Variants in SYNPO observed in about 807,000 individuals in gnomAD.
SYNPO encodes the protein synaptopodin.
SYNPO carries 19 observed loss-of-function variants against 49.5 expected under a neutral mutation model. That is an observed-to-expected ratio of 0.38 (90% confidence interval 0.27 to 0.56). SYNPO has a LOEUF of 0.56. Among genes scored for constraint, SYNPO ranks in the 20% least tolerant of loss-of-function variants. The probability of loss-of-function intolerance (pLI) is 0.68; values close to 1 mark genes in which losing one functional copy is unlikely to be tolerated. For missense variants in SYNPO, 1,131 were observed against 1,248.3 expected, an observed-to-expected ratio of 0.91 and a Z score of 1.42; for synonymous variants, 536 against 548.0, an observed-to-expected ratio of 0.98 and a Z score of 0.31.
chr5:150,650,837 T>G, intron 2 of SYNPO: 1 of 1,277,564 alleles, frequency 7.8e-7, no homozygotes, highest in Non-Finnish European at 9.9e-7. Context: ...TGTTGCTGGA[T>G]TCTCACCTCC....
intron 1 of SYNPO, among the ~76,000 whole-genome samples, chr5:150,607,827 T>C (rs1314717069): frequency 1.3e-5 from 2 of 152,030 alleles, no homozygotes; most frequent in Non-Finnish European, 2.9e-5. Flanking sequence ...ATTTTAATAA[T>C]GCATTTATTT....
chr5:150,647,434 T>C (rs1758144079), intron 1 of SYNPO, among the ~76,000 whole-genome samples: 1 of 152,098 alleles, frequency 6.6e-6, no homozygotes, highest in Non-Finnish European at 1.5e-5. Context: ...GAGACTTGAG[T>C]GGCAAGATAG....
At position 150,650,083 on chromosome 5, in the gene SYNPO, C is replaced by G; in HGVS notation, c.1808C>G (p.Pro603Arg). 1.2e-6 allele frequency: 2 copies of G among 1,613,578 alleles called. No homozygotes were observed. Among genetic ancestry groups the G allele is most frequent in the Non-Finnish European group, 1.7e-6 (2 of 1,179,982 alleles). Residue 603 changes from proline to arginine, a missense_variant, in exon 2 of 3, where the codon CCC (proline) becomes CGC (arginine). Pro to Arg is a moderately radical substitution (Grantham distance 103). Around this residue, in one of 4 missense-constraint regions of SYNPO, gnomAD observed 509 missense variants for 484.5 expected, o/e 1.05. Transcript: ENST00000307662. ...TCCTTGGACCTGGTGCCCAACCTGC[C>G]CAAGGGGGCTCTCCCTCCATCTCCT... ...PSSLDLVPNLPKGALPPSPAL... is the reference protein window; with the variant it reads ...PSSLDLVPNLRKGALPPSPAL...
At chr5:150,651,078 C>T (rs1758363358) in intron 2 of SYNPO, 2 of 1,144,424 alleles carry the variant, frequency 1.7e-6, no homozygotes, top group Non-Finnish European at 2.2e-6. Flanking sequence ...GGCTTGCTGT[C>T]ACCGCTCTAG....
chr5:150,656,443 C>A lies in SYNPO; in HGVS notation c.2068C>A (p.Pro690Thr). 1.3e-6 allele frequency: 2 copies of A among 1,532,150 alleles called. No homozygotes were observed. Among genetic ancestry groups the A allele is most frequent in the Non-Finnish European group, 1.7e-6 (2 of 1,145,344 alleles). 94.9% of individuals were successfully genotyped at this position (1,532,150 alleles called of 1,614,324 possible). ...CCTGCCCACCTCCCCACCCTGGACGCCGGGCGCGTCCCGGCCCCCCAGCAG... is the reference window on the plus strand; with the variant it reads ...CCTGCCCACCTCCCCACCCTGGACGACGGGCGCGTCCCGGCCCCCCAGCAG... ...ESLPTSPPWT[P>T]GASRPPSSLD... The change falls in exon 3 of 3, where the codon CCG becomes ACG. Residue 690 changes from proline (P) to threonine (T), a missense_variant. Physicochemically the swap from Pro to Thr is conservative, Grantham distance 38 (BLOSUM62 -1). This residue lies in a region of SYNPO where 509 missense variants were observed against 484.5 expected (regional missense o/e 1.05). Transcript: ENST00000307662.
At position 150,649,578 on chromosome 5, in the gene SYNPO, G is replaced by A; in HGVS notation, c.1303G>A (p.Ala435Thr). The A allele has an allele frequency of 6.2e-7, 1 of 1,610,290 alleles. No individual in the cohort carries two copies. Among genetic ancestry groups the A allele is most frequent in the African/African-American group, 1.3e-5 (1 of 74,956 alleles). ...GGCCTCCAACTTCCAGCAGGAGCCA[G>A]CACCTCGTGACAGGGCCAGCCCCGC... ...AEASNFQQEPAPRDRASPAAA... is the reference protein window; with the variant it reads ...AEASNFQQEPTPRDRASPAAA... Residue 435 changes from alanine to threonine, a missense_variant, in exon 2 of 3, where the codon GCA (alanine) becomes ACA (threonine). This residue lies in a region of SYNPO where 602 missense variants were observed against 720.7 expected (regional missense o/e 0.84). Coordinates refer to ENST00000307662, the MANE Select transcript of SYNPO (RefSeq NM_007286.6).
At chr5:150,607,928 C>T (rs1005014335) in intron 1 of SYNPO, among the ~76,000 whole-genome samples, 1 of 152,198 alleles carries the variant, frequency 6.6e-6, no homozygotes, top group Non-Finnish European at 1.5e-5. Context: ...GGTACTAAGT[C>T]TTGGAAATCT....
chr5:150,642,443 AC>A (rs1561650279), intron 1 of SYNPO, among the ~76,000 whole-genome samples: 1 of 152,190 alleles, frequency 6.6e-6, no homozygotes, highest in Admixed American at 6.5e-5. Context: ...CATGACTTGC[AC>A]AAGTGCAGGC....
intron 1 of SYNPO, among the ~76,000 whole-genome samples, chr5:150,613,068 T>A (rs1756893070): frequency 6.6e-6 from 1 of 152,252 alleles, no homozygotes. Context: ...CATGAGCCAC[T>A]GGTCCTGGCC....
At chr5:150,592,464 G>GA in the SYNPO span, among the ~76,000 whole-genome samples, 1 of 151,330 alleles carries the variant, frequency 6.6e-6, no homozygotes, top group African/African-American at 2.4e-5. Flanking sequence ...ATGCCACCAA[G>GA]AAAAAAAAAT....
In SYNPO at chr5:150,648,637, C is replaced by A. The variant is rs765248495; in HGVS notation, c.362C>A (p.Ala121Asp). ...AGCATCCAACAGAATTCCTCAGAGG[C>A]CCAACTCCCATCTAATGGCACAGGG... ...LSSIQQNSSE[A>D]QLPSNGTGPA... Residue 121 changes from alanine to aspartate, a missense_variant, in exon 2 of 3, where the codon GCC becomes GAC. By Grantham distance (126) the Ala-to-Asp change is moderately radical. This residue lies in a region of SYNPO where 602 missense variants were observed against 720.7 expected (regional missense o/e 0.84). Transcript: ENST00000307662. This position sits in a 1 kb window ranked among gnomAD's most constrained non-coding sequence, Gnocchi z 5.0. 1 of 1,614,200 alleles carries A rather than the reference C, an allele frequency of 6.2e-7. No homozygotes were observed. The highest frequency in any genetic ancestry group is 1.1e-5 in the South Asian group (1 of 91,084).
Position 150,657,162 on chromosome 5 carries a change from C to A in SYNPO, c.*75C>A. 6.8e-7 allele frequency: 1 copy of A among 1,462,104 alleles called. No individual in the cohort carries two copies. Among genetic ancestry groups the A allele is most frequent in the South Asian group, 1.3e-5 (1 of 75,742 alleles). 90.6% of individuals were successfully genotyped at this position (1,462,104 alleles called of 1,614,324 possible). A position where few individuals can be genotyped will look rare whatever the true frequency, so the allele number is the denominator to read the frequency against. On this transcript the variant is annotated 3_prime_UTR_variant, in exon 3 of 3. Coordinates refer to ENST00000307662, the MANE Select transcript of SYNPO (RefSeq NM_007286.6). ...ATTAGACCTGGGGGACCCAAAGGGTCTGGCCTCTTTGGGCAGCCCCAGAGA... is the reference window on the plus strand; with the variant it reads ...ATTAGACCTGGGGGACCCAAAGGGTATGGCCTCTTTGGGCAGCCCCAGAGA...
chr5:150,617,306 GT>G (rs36057037), intron 1 of SYNPO, among the ~76,000 whole-genome samples: 2 of 125,458 alleles, frequency 1.6e-5, no homozygotes, highest in East Asian at 7.1e-4. Flanking sequence ...ATCTTCTTTT[GT>G]TTTTTTTGGC....
At chr5:150,591,531 T>C in the SYNPO span, among the ~76,000 whole-genome samples, 1 of 152,240 alleles carries the variant, frequency 6.6e-6, no homozygotes, top group Non-Finnish European at 1.5e-5. Flanking sequence ...CCCCAAGCCC[T>C]GGTCTCTTGG....
exon 2 of SYNPO, chr5:150,618,306 G>A (rs1012940305): frequency 2.7e-6 from 4 of 1,496,212 alleles, no homozygotes; most frequent in Non-Finnish European, 3.6e-6. Flanking sequence ...GCTGGCCCCA[G>A]CCCAGGCCCT....
At position 150,656,805 on chromosome 5, in the gene SYNPO, C is replaced by T; in HGVS notation, c.2430C>T (p.Pro810=). 2.0e-6 allele frequency: 3 copies of T among 1,469,222 alleles called. No homozygotes were observed. Among genetic ancestry groups the T allele is most frequent in the South Asian group, 2.6e-5 (2 of 75,898 alleles). The allele number at this position is 1,469,222 out of a possible 1,614,324, so 91.0% of individuals were successfully genotyped here. The part of the protein sequence containing the change: ...PRMRSPQPAR[P]GSAAVPGAAF... Reference sequence around the variant, plus strand: ...TGCGCTCGCCACAGCCCGCCCGCCCCGGCTCGGCTGCTGTGCCGGGGGCAG... The same window carrying T: ...TGCGCTCGCCACAGCCCGCCCGCCCTGGCTCGGCTGCTGTGCCGGGGGCAG... The change falls in exon 3 of 3, where the codon CCC becomes CCT. Residue 810 remains proline (P), a synonymous_variant. Transcript: ENST00000307662.
rs757125078 is a variant in SYNPO at position 150,648,900 on chromosome 5, A to T, written c.625A>T (p.Met209Leu). Reference sequence around the variant, plus strand: ...CCTAGTGGTGTCAGCAGATCAAGAGATGTCTGGGCGAGCAGCTGCCACCAC... The same window carrying T: ...CCTAGTGGTGTCAGCAGATCAAGAGTTGTCTGGGCGAGCAGCTGCCACCAC... Reference protein sequence around the residue: ...NTLVVSADQEMSGRAAATTPT... With the variant: ...NTLVVSADQELSGRAAATTPT... Residue 209 changes from methionine (M) to leucine (L), a missense_variant, in exon 2 of 3, where the codon ATG becomes TTG. By Grantham distance (15) the Met-to-Leu change is conservative. Coordinates refer to ENST00000307662, the MANE Select transcript of SYNPO (RefSeq NM_007286.6). The surrounding 1 kb of genome is among the most constrained non-coding windows in gnomAD (Gnocchi z 5.0). 4.3e-6 allele frequency: 7 copies of T among 1,614,032 alleles called. No homozygotes were observed. Among genetic ancestry groups the T allele is most frequent in the Non-Finnish European group, 5.9e-6 (7 of 1,180,046 alleles).
At chr5:150,650,547 G>A (rs1455764471) in intron 2 of SYNPO, 27 of 1,466,206 alleles carry the variant, frequency 1.8e-5, no homozygotes, top group Admixed American at 2.6e-5. Flanking sequence ...AACAGGGGTC[G>A]GACTCCATGT....
At position 150,657,700 on chromosome 5, in the gene SYNPO, C is replaced by G. The variant is rs1273040470; in HGVS notation, c.*613C>G. 6.5e-6 allele frequency: 1 copy of G among 152,762 alleles called. No individual in the cohort carries two copies. The highest frequency in any genetic ancestry group is 2.4e-5 in the African/African-American group (1 of 41,444). The allele number at this position is 152,762 out of a possible 1,614,324, so 9.5% of individuals were successfully genotyped here. ...AGGCAGGAGCAGCTGTTTTCCATCC[C>G]TTCCCAGACAAGCTCTATTTTTATC... On this transcript the variant is annotated 3_prime_UTR_variant, in exon 3 of 3. Coordinates refer to ENST00000307662, the MANE Select transcript of SYNPO (RefSeq NM_007286.6).
Sources: allele counts gnomAD v4.1 joint callset (sites outside exome capture counted in the v4.1 genomes callset), GRCh38; gene constraint gnomAD v4.1.1; regional missense constraint gnomAD v4.1.1; non-coding constraint Gnocchi (gnomAD v3.1); transcripts MANE v1.5; gene names NCBI Gene and HGNC (gene_info 2026-07-23, HGNC 2026-07-21).